The following FAXC variants were observed in gnomAD, a reference collection of about 807,000 sequenced individuals.
FAXC encodes the protein failed axon connections homolog, metaxin like GST domain containing, also known as failed axon connections homolog.
In FAXC, 10 loss-of-function variants were observed where a neutral mutation model predicts 41.9. The ratio of observed to expected loss-of-function variants is 0.24; its 90% CI spans 0.15 to 0.41. FAXC has a LOEUF of 0.41. Ranked by LOEUF, FAXC falls within the 10% of genes least tolerant of loss-of-function variation. The pLI, the probability that FAXC is intolerant of heterozygous loss-of-function variation, is 1.00. For missense variants in FAXC, 399 were observed against 510.9 expected, an observed-to-expected ratio of 0.78 and a Z score of 2.11; for synonymous variants, 183 against 183.8, an observed-to-expected ratio of 1.00 and a Z score of 0.03.
chr6:99,314,475 G>A (rs949750611), intron 4 of FAXC, among the ~76,000 whole-genome samples: 2 of 152,200 alleles, frequency 1.3e-5, no homozygotes, highest in African/African-American at 4.8e-5. Context: ...TCAGGACAAT[G>A]AGGCAGAAGG....
Position 99,323,596 on chromosome 6 carries a change from C to T in FAXC, c.671G>A (p.Gly224Asp). Residue 224 changes from glycine (G) to aspartate (D), a missense_variant, in exon 4 of 6, where the codon GGT (glycine) becomes GAT (aspartate). Gly to Asp is a moderately conservative substitution (Grantham distance 94). Around this residue, in one of 3 missense-constraint regions of FAXC, gnomAD observed 239 missense variants for 352.7 expected, o/e 0.68. Transcript: ENST00000389677. ...TRKMLSLSGG[G>D]PFSNLLRWVV... is the part of the protein sequence containing the mutation. ...CCACCTCAGCAGGTTGCTGAAGGGA[C>T]CACCACCACTAAGAGAGAGCATCTT... 6.2e-7 allele frequency: 1 copy of T among 1,614,194 alleles called. No individual in the cohort carries two copies. Among genetic ancestry groups the T allele is most frequent in the Non-Finnish European group, 8.5e-7 (1 of 1,180,036 alleles).
chr6:99,319,398 CAAAAAAA>C (rs57370118), intron 4 of FAXC, among the ~76,000 whole-genome samples: 2 of 47,680 alleles, frequency 4.2e-5, no homozygotes, highest in Non-Finnish European at 9.6e-5. Flanking sequence ...GACTCCGTCT[CAAAAAAA>C]AAAAAAAAAA....
At chr6:99,294,958 C>T (rs1258832191) in intron 4 of FAXC, among the ~76,000 whole-genome samples, 1 of 152,174 alleles carries the variant, frequency 6.6e-6, no homozygotes, top group African/African-American at 2.4e-5. Context: ...GAGAATGCTA[C>T]CAGGTCTCCT....
At chr6:99,312,266 G>A (rs940102438) in intron 4 of FAXC, among the ~76,000 whole-genome samples, 2 of 152,186 alleles carry the variant, frequency 1.3e-5, no homozygotes, top group African/African-American at 4.8e-5. Flanking sequence ...GAAAGCACCA[G>A]CTGCCTGGGA....
At chr6:99,292,551 C>T (rs995641987) in intron 4 of FAXC, among the ~76,000 whole-genome samples, 2 of 152,226 alleles carry the variant, frequency 1.3e-5, no homozygotes, top group African/African-American at 4.8e-5. Flanking sequence ...TACTGTTAGA[C>T]ACTACTGCAT....
At chr6:99,348,004 G>C (rs1451745621) in intron 1 of FAXC, among the ~76,000 whole-genome samples, 1 of 152,212 alleles carries the variant, frequency 6.6e-6, no homozygotes, top group Non-Finnish European at 1.5e-5. Context: ...CACCCTTTCA[G>C]AGATGGGAAC....
intron 2 of FAXC, among the ~76,000 whole-genome samples, chr6:99,342,610 C>T (rs1773465078): frequency 6.6e-6 from 1 of 152,180 alleles, no homozygotes. Context: ...TCCCAAAGTG[C>T]TGGGATTAAA....
intron 4 of FAXC, among the ~76,000 whole-genome samples, chr6:99,318,215 C>T (rs1000667948): frequency 4.7e-5 from 7 of 150,190 alleles, no homozygotes; most frequent in Admixed American, 6.7e-5. Flanking sequence ...GCCAAGACGG[C>T]GCCACTGCAC....
chr6:99,349,987 C>T (rs1236930569), upstream of FAXC: 2 of 152,190 alleles, frequency 1.3e-5, no homozygotes, highest in African/African-American at 4.8e-5. Flanking sequence ...CTCCCGCGGG[C>T]CCCAGAGTAG....
At chr6:99,301,186 A>C (rs1457784966) in intron 4 of FAXC, among the ~76,000 whole-genome samples, 1 of 152,256 alleles carries the variant, frequency 6.6e-6, no homozygotes. Context: ...GGAGGAAACC[A>C]AATTGTGTTC....
At position 99,288,703 on chromosome 6, in the gene FAXC, C is replaced by G. The variant is rs1186012039; in HGVS notation, c.940+3001G>C. On this transcript the variant is annotated intron_variant, in intron 5 of 5. Coordinates refer to ENST00000389677, the MANE Select transcript of FAXC (RefSeq NM_032511.4). ...TCCCTAGTCCCACCCAGCTGAACTT[C>G]CAGAAAACCTTCGATCAATGCCTGA... 3.3e-5 allele frequency among the ~76,000 whole-genome samples: 5 copies of G among 152,162 alleles called. No individual in the cohort carries two copies. In the East Asian group the frequency reaches 9.6e-4, roughly 29 times the overall value.
intron 4 of FAXC, among the ~76,000 whole-genome samples, chr6:99,311,150 G>C (rs590983): frequency 0.87 from 133,133 of 152,238 alleles, 58,715 homozygotes; most frequent in East Asian, 1. Flanking sequence ...CTTCAGCAGG[G>C]GTGAGTAGCA....
At chr6:99,314,918 A>C (rs527736275) in intron 4 of FAXC, among the ~76,000 whole-genome samples, 165 of 152,184 alleles carry the variant, frequency 1.1e-3, no homozygotes, top group African/African-American at 3.8e-3. Flanking sequence ...ACTTGGGCTT[A>C]TCTTTCAGAA....
chr6:99,336,331 C>T (rs1773215880), intron 2 of FAXC, among the ~76,000 whole-genome samples: 1 of 151,962 alleles, frequency 6.6e-6, no homozygotes, highest in Non-Finnish European at 1.5e-5. Flanking sequence ...GCCCAGGAAA[C>T]TCCTTGTGAT....
At position 99,342,950 on chromosome 6, in the gene FAXC, G is replaced by A; in HGVS notation, c.350C>T (p.Pro117Leu). 6.2e-7 allele frequency: 1 copy of A among 1,612,512 alleles called. No homozygotes were observed. Among genetic ancestry groups the A allele is most frequent in the Non-Finnish European group, 8.5e-7 (1 of 1,179,472 alleles). ...RPNNGVPSLS[P>L]FCLKMETYLR... ...ATAAGTTTCCATCTTTAAACAGAAA[G>A]GAGATAAACTTGGAACACCATTGTT... Residue 117 changes from proline to leucine, a missense_variant, in exon 2 of 6, where the codon CCT becomes CTT. Pro to Leu is a moderately conservative substitution (Grantham distance 98). Transcript: ENST00000389677.
intron 1 of FAXC, among the ~76,000 whole-genome samples, chr6:99,345,666 A>C (rs192232376): frequency 6.6e-6 from 1 of 152,380 alleles, no homozygotes; most frequent in African/African-American, 2.4e-5. Context: ...CTCTGTATAC[A>C]GCTGATGATT....
At chr6:99,293,735 T>C (rs1019297345) in intron 4 of FAXC, among the ~76,000 whole-genome samples, 7 of 150,326 alleles carry the variant, frequency 4.7e-5, no homozygotes, top group East Asian at 2.0e-4. Context: ...TGTGTGTGTG[T>C]GCATTTTATC....
intron 4 of FAXC, among the ~76,000 whole-genome samples, chr6:99,296,465 C>A (rs541321655): frequency 5.6e-4 from 85 of 152,208 alleles, no homozygotes; most frequent in African/African-American, 1.9e-3. Flanking sequence ...CCTCCGAGCT[C>A]AGAATGTGAA....
intron 2 of FAXC, among the ~76,000 whole-genome samples, chr6:99,335,493 A>G (rs1251020549): frequency 1.3e-5 from 2 of 152,096 alleles, no homozygotes; most frequent in South Asian, 2.1e-4. Context: ...TTCGTAAGCA[A>G]CTTCTTTGTT....
Sources: gnomAD v4.1 joint callset for allele counts (sites outside exome capture counted in the v4.1 genomes callset) on GRCh38, gnomAD v4.1.1 for gene constraint, gnomAD v4.1.1 regional missense constraint, MANE v1.5 for transcripts, NCBI Gene and HGNC (gene_info 2026-07-23, HGNC 2026-07-21) for gene names.